The following FSHR variants were observed in gnomAD, a reference collection of about 807,000 sequenced individuals.
FSHR encodes the protein follicle stimulating hormone receptor.
FSHR carries 46 observed loss-of-function variants against 52.1 expected under a neutral mutation model. The observed-to-expected ratio is 0.88, with a 90% CI of 0.70 to 1.13. The LOEUF is 1.13. FSHR is among the 50% of genes most tolerant of loss of function. The pLI, the probability that FSHR is intolerant of heterozygous loss-of-function variation, is 0.00. For synonymous variants in FSHR, 399 were observed against 309.6 expected (o/e 1.29, Z -3.03); for missense variants, 964 against 834.6 (o/e 1.16, Z -1.91).
At chr2:49,139,427 ATCTC>A (rs1279963950) in intron 1 of FSHR, among the ~76,000 whole-genome samples, 2 of 152,098 alleles carry the variant, frequency 1.3e-5, no homozygotes, top group East Asian at 3.9e-4. Context: ...ATGCATGTGA[ATCTC>A]TAGAATGAGG....
chr2:49,030,768 T>C (rs1668073730), intron 2 of FSHR, among the ~76,000 whole-genome samples: 1 of 152,168 alleles, frequency 6.6e-6, no homozygotes, highest in South Asian at 2.1e-4. Context: ...TGGTTTTATA[T>C]CCATTTTTGA....
At position 49,093,367 on chromosome 2, in the gene FSHR, G is replaced by A. The variant is rs575566955; in HGVS notation, c.153-25077C>T. Among the ~76,000 whole-genome samples the A allele has an allele frequency of 8.5e-4, 130 of 152,180 alleles. No individual in the cohort carries two copies. The Middle Eastern group carries it at 0.014, about 16-fold the overall frequency. ...TATCAGTTTGTGATTCATGTATATCGAAGAAATGTTGTTAGGTGCATACAC... is the reference window on the plus strand; with the variant it reads ...TATCAGTTTGTGATTCATGTATATCAAAGAAATGTTGTTAGGTGCATACAC... On this transcript the variant is annotated intron_variant, in intron 1 of 9. Transcript: ENST00000406846.
At chr2:49,112,943 C>A (rs1671473037) in intron 1 of FSHR, among the ~76,000 whole-genome samples, 1 of 152,090 alleles carries the variant, frequency 6.6e-6, no homozygotes, top group Admixed American at 6.5e-5. Context: ...TGGGAGGAAG[C>A]AACTGGAGGG....
At position 49,030,410 on chromosome 2, in the gene FSHR, C is replaced by T. The variant is rs555305064; in HGVS notation, c.225-10250G>A. On this transcript the variant is annotated intron_variant, in intron 2 of 9. Transcript: ENST00000406846. Reference sequence around the variant, plus strand: ...GGGTTCGATTGTGCCTTTTTGATACCGTACCTGTAACAAATGGCTTCCCCA... The same window carrying T: ...GGGTTCGATTGTGCCTTTTTGATACTGTACCTGTAACAAATGGCTTCCCCA... Among the ~76,000 whole-genome samples the T allele has an allele frequency of 4.9e-4, 75 of 151,964 alleles. No individual in the cohort carries two copies. In the South Asian group the frequency reaches 0.014, roughly 29 times the overall value.
intron 2 of FSHR, among the ~76,000 whole-genome samples, chr2:49,031,307 T>C (rs1668094836): frequency 6.6e-6 from 1 of 152,236 alleles, no homozygotes; most frequent in African/African-American, 2.4e-5. Flanking sequence ...ATTTGTCCTT[T>C]ACTAAAATAA....
At chr2:49,048,928 C>T (rs1226453736) in intron 2 of FSHR, among the ~76,000 whole-genome samples, 3 of 152,040 alleles carry the variant, frequency 2.0e-5, no homozygotes, top group Non-Finnish European at 4.4e-5. Flanking sequence ...CTGTTTAAAG[C>T]ATCTTATTAA....
In FSHR at chr2:48,968,790, C is replaced by G. The variant is rs1342632819; in HGVS notation, c.762G>C (p.Lys254Asn). 7.4e-6 allele frequency: 12 copies of G among 1,613,974 alleles called. No homozygotes were observed. The highest frequency in any genetic ancestry group is 6.7e-5 in the Admixed American group (4 of 59,990). ...CGACAAGCTTTTCCAGAGTAGGCAGCTTTTTTAAGTTGTAAGTCGACCTGG... is the reference window on the plus strand; with the variant it reads ...CGACAAGCTTTTCCAGAGTAGGCAGGTTTTTTAAGTTGTAAGTCGACCTGG... ...LRARSTYNLK[K>N]LPTLEKLVAL... is the part of the protein sequence containing the mutation. The change falls in exon 9 of 10, where the codon AAG (lysine) becomes AAC (asparagine). Residue 254 changes from lysine to asparagine, a missense_variant. Transcript: ENST00000406846.
intron 1 of FSHR, among the ~76,000 whole-genome samples, chr2:49,145,939 TA>T (rs1672853602): frequency 6.6e-6 from 1 of 151,912 alleles, no homozygotes; most frequent in Non-Finnish European, 1.5e-5. Flanking sequence ...ATATAAAACA[TA>T]TTTGGAAGCT....
chr2:48,987,225 A>G (rs2104086996), intron 6 of FSHR, among the ~76,000 whole-genome samples: 1 of 151,972 alleles, frequency 6.6e-6, no homozygotes, highest in African/African-American at 2.4e-5. Context: ...ACTTTTTGAG[A>G]TGGAGTCTCA....
intron 1 of FSHR, among the ~76,000 whole-genome samples, chr2:49,097,731 G>A (rs960841662): frequency 1.8e-4 from 27 of 152,142 alleles, no homozygotes; most frequent in African/African-American, 5.1e-4. Context: ...GTTTAACATC[G>A]GTCCTGAAGG....
At chr2:49,127,779 T>C (rs1035687660) in intron 1 of FSHR, among the ~76,000 whole-genome samples, 11 of 47,434 alleles carry the variant, frequency 2.3e-4, no homozygotes, top group African/African-American at 9.9e-4. Context: ...CTTCTTCTTC[T>C]TCTTCTTCTT....
chr2:48,964,085 T>C lies in FSHR; in HGVS notation c.855-119A>G, dbSNP rs1674363894. 4.2e-6 allele frequency: 4 copies of C among 958,764 alleles called. No individual in the cohort carries two copies. The East Asian group carries it at 1.0e-4, about 24-fold the overall frequency. 59.4% of individuals were successfully genotyped at this position (958,764 alleles called of 1,614,324 possible). A position where few individuals can be genotyped will look rare whatever the true frequency, so the allele number is the denominator to read the frequency against. On this transcript the variant is annotated intron_variant, in intron 9 of 9. Coordinates refer to ENST00000406846, the MANE Select transcript of FSHR (RefSeq NM_000145.4). ...TTCCTGAGATTTTTTTTTTTTCTTCTCACATCATACCTGCCCTTGAGGCTA... is the reference window on the plus strand; with the variant it reads ...TTCCTGAGATTTTTTTTTTTTCTTCCCACATCATACCTGCCCTTGAGGCTA...
chr2:49,004,459 G>A (rs1667010569), intron 4 of FSHR, among the ~76,000 whole-genome samples: 1 of 152,084 alleles, frequency 6.6e-6, no homozygotes, highest in South Asian at 2.1e-4. Context: ...TTCCATACAG[G>A]GCCCCTCGTG....
intron 4 of FSHR, chr2:48,997,247 G>A: frequency 1.0e-6 from 1 of 984,710 alleles, no homozygotes; most frequent in Non-Finnish European, 1.2e-6. Context: ...CAGTAGGAAA[G>A]CCTGGTTTCT....
intron 4 of FSHR, among the ~76,000 whole-genome samples, chr2:48,994,650 G>T (rs1675940853): frequency 6.6e-6 from 1 of 152,030 alleles, no homozygotes; most frequent in Admixed American, 6.6e-5. Context: ...GCTGGAAGTG[G>T]GTAATCAGCT....
chr2:49,013,169 G>T (rs991240981), intron 4 of FSHR, among the ~76,000 whole-genome samples: 8 of 149,618 alleles, frequency 5.3e-5, no homozygotes, highest in Non-Finnish European at 1.0e-4. Flanking sequence ...ACTATTTGAG[G>T]ACACAGGGAG....
intron 2 of FSHR, among the ~76,000 whole-genome samples, chr2:49,046,201 G>C (rs891613267): frequency 1.3e-5 from 2 of 152,180 alleles, no homozygotes; most frequent in African/African-American, 4.8e-5. Context: ...AAATAGGATA[G>C]CCACATGAAG....
At chr2:49,006,066 G>A (rs962490854) in intron 4 of FSHR, among the ~76,000 whole-genome samples, 1 of 152,072 alleles carries the variant, frequency 6.6e-6, no homozygotes, top group Non-Finnish European at 1.5e-5. Context: ...TTGAACATTA[G>A]ACTCCAAGTT....
intron 2 of FSHR, among the ~76,000 whole-genome samples, chr2:49,031,437 C>T (rs1221831267): frequency 6.6e-6 from 1 of 152,160 alleles, no homozygotes; most frequent in Non-Finnish European, 1.5e-5. Flanking sequence ...TATCAGCTAT[C>T]TCCTAGATTT....
Sources: allele counts gnomAD v4.1 joint callset (sites outside exome capture counted in the v4.1 genomes callset), GRCh38; gene constraint gnomAD v4.1.1; transcripts MANE v1.5; gene names NCBI Gene and HGNC (gene_info 2026-07-23, HGNC 2026-07-21).